The following GALNT17 variants were observed in gnomAD, a reference collection of about 807,000 sequenced individuals.
GALNT17 encodes UDP-GalNAc:polypeptide N-acetylgalactosaminyltransferase-like 3.
Under a neutral mutation model 63.7 loss-of-function variants are expected in GALNT17, and 29 were observed. The ratio of observed to expected loss-of-function variants is 0.46; its 90% CI spans 0.34 to 0.62. The LOEUF is 0.62. GALNT17 is among the 20% of genes least tolerant of loss of function. The pLI, the probability that GALNT17 is intolerant of heterozygous loss-of-function variation, is 0.01. For synonymous variants in GALNT17, 305 were observed against 318.3 expected (o/e 0.96, Z 0.45); for missense variants, 603 against 799.6 (o/e 0.75, Z 2.97).
At chr7:71,302,323 C>T (rs951051591) in intron 1 of GALNT17, among the ~76,000 whole-genome samples, 2 of 152,168 alleles carry the variant, frequency 1.3e-5, no homozygotes, top group African/African-American at 2.4e-5. Context: ...AACAAACCTG[C>T]ACATCCTGTG....
intron 5 of GALNT17, among the ~76,000 whole-genome samples, chr7:71,428,651 A>T (rs1786804257): frequency 6.6e-6 from 1 of 152,004 alleles, no homozygotes; most frequent in South Asian, 2.1e-4. Context: ...GTTGGCCAGG[A>T]TGGTCTCGAT....
chr7:71,695,588 C>T (rs1343980459), intron 9 of GALNT17, among the ~76,000 whole-genome samples: 2 of 152,130 alleles, frequency 1.3e-5, no homozygotes, highest in African/African-American at 2.4e-5. Flanking sequence ...ATGAGTTTTG[C>T]CAGGTGTGTG....
At chr7:71,207,670 G>A (rs1002414131) in intron 1 of GALNT17, among the ~76,000 whole-genome samples, 2 of 152,066 alleles carry the variant, frequency 1.3e-5, no homozygotes, top group Non-Finnish European at 2.9e-5. Flanking sequence ...AGTGTCACTC[G>A]CACCTGGAAT....
intron 1 of GALNT17, among the ~76,000 whole-genome samples, chr7:71,136,961 A>G (rs1442632825): frequency 1.3e-5 from 2 of 150,780 alleles, no homozygotes; most frequent in Non-Finnish European, 3.0e-5. Flanking sequence ...TAGTTTTTGT[A>G]TTTTTTGTAG....
intron 5 of GALNT17, among the ~76,000 whole-genome samples, chr7:71,552,511 G>T (rs1789097935): frequency 6.6e-6 from 1 of 151,312 alleles, no homozygotes; most frequent in Non-Finnish European, 1.5e-5. Context: ...TGTAATCTCG[G>T]CTCATTACAG....
intron 6 of GALNT17, among the ~76,000 whole-genome samples, chr7:71,588,791 C>A (rs1027531410): frequency 5.3e-5 from 8 of 151,974 alleles, no homozygotes; most frequent in Non-Finnish European, 1.0e-4. Context: ...TGGCTGGTCT[C>A]ATGAATCCAG....
intron 5 of GALNT17, among the ~76,000 whole-genome samples, chr7:71,467,391 C>A (rs1228080223): frequency 6.6e-6 from 1 of 152,150 alleles, no homozygotes; most frequent in Non-Finnish European, 1.5e-5. Context: ...ATCAGGCTCA[C>A]AGGAGATGGA....
At chr7:71,206,121 T>C (rs1789266396) in intron 1 of GALNT17, among the ~76,000 whole-genome samples, 1 of 147,996 alleles carries the variant, frequency 6.8e-6, no homozygotes, top group African/African-American at 2.5e-5. Context: ...ACATATGAGG[T>C]GTGTGTTTGT....
At chr7:71,416,218 G>A (rs1030314917) in intron 4 of GALNT17, among the ~76,000 whole-genome samples, 155 bp downstream of exon 4, 7 of 152,146 alleles carry the variant, frequency 4.6e-5, no homozygotes, top group African/African-American at 1.7e-4. Context: ...CCATTGTCTG[G>A]GATAAAGCTA....
chr7:71,249,736 C>T (rs902591203), intron 1 of GALNT17, among the ~76,000 whole-genome samples: 1 of 152,072 alleles, frequency 6.6e-6, no homozygotes, highest in African/African-American at 2.4e-5. Context: ...GGAAAAGATA[C>T]CCCCCAAAAG....
intron 1 of GALNT17, among the ~76,000 whole-genome samples, chr7:71,211,279 C>T (rs979903188): frequency 6.6e-6 from 1 of 152,064 alleles, no homozygotes; most frequent in Non-Finnish European, 1.5e-5. Context: ...ATAAGTCTCA[C>T]GAGATCTGAT....
chr7:71,612,845 A>G (rs1790145110), intron 6 of GALNT17, among the ~76,000 whole-genome samples: 1 of 152,220 alleles, frequency 6.6e-6, no homozygotes, highest in Non-Finnish European at 1.5e-5. Flanking sequence ...AATTCCCTGC[A>G]TGAACCATTC....
Position 71,701,765 on chromosome 7 carries a change from GTA to G in GALNT17, c.1501-8988_1501-8987del, listed in dbSNP as rs1317197586. Among the ~76,000 whole-genome samples, 421 of 104,390 alleles carry G rather than the reference GTA, an allele frequency of 4.0e-3. 4 individuals are homozygous for G. The highest frequency in any genetic ancestry group is 0.014 in the African/African-American group (405 of 28,708). The allele number at this position is 104,390 out of a possible 152,430, so 68.5% of individuals were successfully genotyped here. A position where few individuals can be genotyped will look rare whatever the true frequency, so the allele number is the denominator to read the frequency against. The stretch of plus-strand genomic sequence containing the variant: ...TGTGTATATATATGTATATATATGT[GTA>G]TATATATGTGTGTGTGTATATATAT... On this transcript the variant is annotated intron_variant, in intron 9 of 10. Transcript: ENST00000333538.
chr7:71,418,646 A>G (rs73363734), intron 4 of GALNT17, among the ~76,000 whole-genome samples: 6,900 of 152,256 alleles, frequency 0.045, 558 homozygotes, highest in African/African-American at 0.16. Context: ...CACATGTCCA[A>G]GTTAAATGGG....
chr7:71,186,784 G>C (rs1474914138), intron 1 of GALNT17, among the ~76,000 whole-genome samples: 1 of 152,200 alleles, frequency 6.6e-6, no homozygotes, highest in African/African-American at 2.4e-5. Context: ...AACCAACTCA[G>C]CTATCTGGTC....
intron 5 of GALNT17, among the ~76,000 whole-genome samples, chr7:71,537,548 A>G (rs989234721): frequency 7.2e-5 from 11 of 152,302 alleles, no homozygotes; most frequent in Middle Eastern, 3.4e-3. Context: ...GCACTGTGAC[A>G]TGCCTGTAAT....
intron 1 of GALNT17, among the ~76,000 whole-genome samples, chr7:71,322,730 T>A (rs1281229390): frequency 1.3e-5 from 2 of 152,138 alleles, no homozygotes; most frequent in Non-Finnish European, 2.9e-5. Context: ...ACTCTTATAA[T>A]GGGATCAGGG....
chr7:71,277,460 A>G (rs138692394), intron 1 of GALNT17, among the ~76,000 whole-genome samples: 1,563 of 152,314 alleles, frequency 0.01, 15 homozygotes, highest in Middle Eastern at 0.017. Context: ...CCTATGTAAC[A>G]TGCCTGCACA....
intron 1 of GALNT17, among the ~76,000 whole-genome samples, chr7:71,289,655 G>A (rs530374001): frequency 1.6e-4 from 24 of 152,226 alleles, no homozygotes; most frequent in African/African-American, 4.8e-4. Flanking sequence ...CGAGGCAGGC[G>A]GTTGACCTGA....
Sources: gnomAD v4.1 joint callset for allele counts (sites outside exome capture counted in the v4.1 genomes callset) on GRCh38, gnomAD v4.1.1 for gene constraint, MANE v1.5 for transcripts, NCBI Gene and HGNC (gene_info 2026-07-23, HGNC 2026-07-21) for gene names.